Variants in GLRA2 observed in about 807,000 individuals in gnomAD.
GLRA2 encodes the protein glycine receptor subunit alpha-2.
A neutral mutation model predicts 31.6 loss-of-function variants in GLRA2; 11 were observed. That is an observed-to-expected ratio of 0.35 (90% CI 0.22 to 0.58). GLRA2 has a LOEUF of 0.58. Ranked by LOEUF, GLRA2 falls within the 20% of genes least tolerant of loss-of-function variation. GLRA2 has a pLI of 0.84. For missense variants in GLRA2, 212 were observed against 351.8 expected, an observed-to-expected ratio of 0.60 and a Z score of 3.18; for synonymous variants, 132 against 134.0, an observed-to-expected ratio of 0.99 and a Z score of 0.10.
At chrX:14,542,107 G>C (rs1005224251) in intron 2 of GLRA2, among the ~76,000 whole-genome samples, 1 of 111,458 alleles carries the variant, frequency 9.0e-6, no homozygotes, top group African/African-American at 3.3e-5. Context: ...TTCTTGTAAA[G>C]GGTTATAGTC....
intron 7 of GLRA2, among the ~76,000 whole-genome samples, chrX:14,677,867 TTTTG>T (rs1406245022): frequency 1.8e-5 from 2 of 110,822 alleles, no homozygotes; most frequent in Admixed American, 9.6e-5. Context: ...TACCTCGGTT[TTTTG>T]TTTGTTTGTT....
chrX:14,594,093 T>C (rs145183448), intron 4 of GLRA2, among the ~76,000 whole-genome samples: 238 of 111,989 alleles, frequency 2.1e-3, no homozygotes, highest in Non-Finnish European at 3.2e-3. Context: ...GAAACAGTGG[T>C]CAGTAAGTCT....
intron 7 of GLRA2, among the ~76,000 whole-genome samples, chrX:14,635,488 G>A (rs907240878): frequency 1.8e-5 from 2 of 111,729 alleles, no homozygotes; most frequent in Non-Finnish European, 3.8e-5. Flanking sequence ...GCCACCATCC[G>A]TCATGAGGAT....
intron 7 of GLRA2, among the ~76,000 whole-genome samples, chrX:14,678,662 C>T (rs1005890755): frequency 8.9e-6 from 1 of 111,785 alleles, no homozygotes; most frequent in Non-Finnish European, 1.9e-5. Context: ...TACTAACTAG[C>T]TATTTTAGTA....
At chrX:14,632,984 C>G (rs905009728) in intron 7 of GLRA2, among the ~76,000 whole-genome samples, 3 of 111,548 alleles carry the variant, frequency 2.7e-5, no homozygotes, top group African/African-American at 9.8e-5. Context: ...GCCATAAGGT[C>G]TCTGTCACAA....
At chrX:14,703,189 G>A (rs1029192977) in intron 8 of GLRA2, among the ~76,000 whole-genome samples, 1 of 111,739 alleles carries the variant, frequency 8.9e-6, no homozygotes, top group African/African-American at 3.3e-5. Flanking sequence ...GAGATAACAG[G>A]TCTCAACCTA....
the GLRA2 span, among the ~76,000 whole-genome samples, chrX:14,461,810 A>C: frequency 8.9e-6 from 1 of 112,273 alleles, no homozygotes; most frequent in South Asian, 3.7e-4. Flanking sequence ...CCATTGTGCC[A>C]GTCTGTGTCT....
rs150389748 is a variant in GLRA2 at position 14,703,797 on chromosome X, G to T, written c.1080+12938G>T. 1.1e-4 allele frequency among the ~76,000 whole-genome samples: 12 copies of T among 111,612 alleles called. No homozygotes were observed. The East Asian group carries it at 3.1e-3, about 29-fold the overall frequency. On this transcript the variant is annotated intron_variant, in intron 8 of 8. Transcript: ENST00000218075. ...GCTTCCTCAACCCTTGGTAAGTCAA[G>T]TCTCAGTCTCTCAGAGGTTTGAGCC...
the GLRA2 span, among the ~76,000 whole-genome samples, chrX:14,499,154 G>T: frequency 2.7e-5 from 3 of 111,621 alleles, no homozygotes; most frequent in African/African-American, 9.8e-5. Context: ...GAATTATATA[G>T]CAGTTCTATT....
At chrX:14,585,909 T>G (rs769543462) in intron 4 of GLRA2, among the ~76,000 whole-genome samples, 3 of 112,213 alleles carry the variant, frequency 2.7e-5, no homozygotes, top group Non-Finnish European at 3.8e-5. Context: ...AAAAGTAATG[T>G]TCTGTCTTGA....
chrX:14,487,863 G>A, the GLRA2 span, among the ~76,000 whole-genome samples: 1 of 111,592 alleles, frequency 9.0e-6, no homozygotes, highest in Admixed American at 9.5e-5. Flanking sequence ...ATACTCTAGT[G>A]AGAATCTGAC....
chrX:14,577,934 C>T lies in GLRA2; in HGVS notation c.271-3249C>T, dbSNP rs149276320. On this transcript the variant is annotated intron_variant, in intron 3 of 8. Coordinates refer to ENST00000218075, the MANE Select transcript of GLRA2 (RefSeq NM_002063.4). Reference sequence around the variant, plus strand: ...CAAAAAAATTAAACAGAAACAGATTCTTCCCTGAACTGTCTTTAGTTGTAG... The same window carrying T: ...CAAAAAAATTAAACAGAAACAGATTTTTCCCTGAACTGTCTTTAGTTGTAG... Among the ~76,000 whole-genome samples, 970 of 111,886 alleles carry T rather than the reference C, an allele frequency of 8.7e-3. 7 individuals carry two copies. The highest frequency in any genetic ancestry group is 0.014 in the Non-Finnish European group (743 of 53,163).
chrX:14,463,827 C>T, the GLRA2 span, among the ~76,000 whole-genome samples: 52 of 111,888 alleles, frequency 4.6e-4, no homozygotes, highest in African/African-American at 1.5e-3. Flanking sequence ...TTGTGCTTCC[C>T]GGTGAGGCAA....
intron 8 of GLRA2, among the ~76,000 whole-genome samples, chrX:14,715,989 T>C (rs1042630670): frequency 8.9e-6 from 1 of 111,871 alleles, no homozygotes; most frequent in Admixed American, 9.5e-5. Flanking sequence ...AATGTCAACA[T>C]GGCTATAGCA....
chrX:14,577,633 G>T (rs191346868), intron 3 of GLRA2, among the ~76,000 whole-genome samples: 1 of 111,724 alleles, frequency 9.0e-6, no homozygotes, highest in Admixed American at 9.5e-5. Context: ...TGGTATTCTC[G>T]CATGGTAGAA....
At chrX:14,524,633 G>A (rs749157881), upstream of GLRA2, among the ~76,000 whole-genome samples, 5 of 111,279 alleles carry the variant, frequency 4.5e-5, no homozygotes, top group Non-Finnish European at 7.6e-5. Flanking sequence ...TAGGAAACCC[G>A]TTCAGTAAAA....
At chrX:14,658,461 C>A (rs1346135270) in intron 7 of GLRA2, among the ~76,000 whole-genome samples, 1 of 111,604 alleles carries the variant, frequency 9.0e-6, no homozygotes, top group Non-Finnish European at 1.9e-5. Context: ...CTCCCTTTGT[C>A]CTCATCCTCC....
the GLRA2 span, among the ~76,000 whole-genome samples, chrX:14,493,825 T>G: frequency 9.6e-6 from 1 of 103,927 alleles, no homozygotes; most frequent in Non-Finnish European, 2.0e-5. Context: ...ACCCCATCAT[T>G]TTATTCCTTG....
rs372113262 is a variant in GLRA2, at chrX:14,571,800, A to G, written c.203-2533A>G. Among the ~76,000 whole-genome samples, 31 of 111,773 alleles carry G rather than the reference A, an allele frequency of 2.8e-4. No individual in the cohort carries two copies. The South Asian group carries it at 1.0e-2, about 36-fold the overall frequency. ...AAAAGTGCCCAAAATTGAAAAAGTC[A>G]GATGTAAAGGATTAAGAAAGGTACA... On this transcript the variant is annotated intron_variant, in intron 2 of 8. Transcript: ENST00000218075.
Sources: allele counts gnomAD v4.1 joint callset (sites outside exome capture counted in the v4.1 genomes callset), GRCh38; gene constraint gnomAD v4.1.1; transcripts MANE v1.5; gene names NCBI Gene and HGNC (gene_info 2026-07-23, HGNC 2026-07-21).